FIRRM: variants seen among roughly 807,000 people sequenced by gnomAD.
The protein encoded by FIRRM is FIGNL1-interacting regulator of recombination and mitosis.
At chr1:169,848,012 A>G in the FIRRM span, among the ~76,000 whole-genome samples, 1 of 152,096 alleles carries the variant, frequency 6.6e-6, no homozygotes, top group Non-Finnish European at 1.5e-5. Context: ...ATATATGTTG[A>G]TACACAAATA....
At chr1:169,829,342 T>TTAAA in the FIRRM span, 7 of 1,613,868 alleles carry the variant, frequency 4.3e-6, no homozygotes, top group Non-Finnish European at 5.1e-6. Flanking sequence ...TTTACAGGGA[T>TTAAA]TAAAGAGTAA....
chr1:169,837,286 A>G, the FIRRM span, among the ~76,000 whole-genome samples: 8 of 152,348 alleles, frequency 5.3e-5, no homozygotes, highest in Admixed American at 5.2e-4. Context: ...TGAGAAACTT[A>G]ACTGTTATTT....
At chr1:169,854,059 T>C in the FIRRM span, 1 of 579,188 alleles carries the variant, frequency 1.7e-6, no homozygotes, top group Non-Finnish European at 3.0e-6. Flanking sequence ...AATAAAAAGG[T>C]TACAATAGCT....
chr1:169,842,455 T>C, the FIRRM span: 1 of 1,614,100 alleles, frequency 6.2e-7, no homozygotes, highest in Non-Finnish European at 8.5e-7. Context: ...TATGTAATTC[T>C]GCTGGTGAAG....
the FIRRM span, among the ~76,000 whole-genome samples, chr1:169,794,055 A>G: frequency 6.6e-6 from 1 of 151,960 alleles, no homozygotes; most frequent in Non-Finnish European, 1.5e-5. Context: ...GAGAGATAAG[A>G]GATTTGGACA....
At chr1:169,795,063 T>C in the FIRRM span, 1 of 1,487,798 alleles carries the variant, frequency 6.7e-7, no homozygotes, top group African/African-American at 1.4e-5. Context: ...GGTCTGGGCT[T>C]TGGCGGGTCT....
chr1:169,837,201 T>G, the FIRRM span: 1 of 949,444 alleles, frequency 1.1e-6, no homozygotes, highest in Non-Finnish European at 1.5e-6. Flanking sequence ...GTTAATAAGA[T>G]GCACACACTC....
At chr1:169,836,166 ATATACTTCCTAGTTGGAT>A in the FIRRM span, among the ~76,000 whole-genome samples, 2 of 152,024 alleles carry the variant, frequency 1.3e-5, no homozygotes, top group Non-Finnish European at 2.9e-5. Context: ...AAATACACTA[ATATACTTCCTAGTTGGAT>A]TATACTTATT....
the FIRRM span, among the ~76,000 whole-genome samples, chr1:169,846,462 T>C: frequency 2.0e-5 from 3 of 152,160 alleles, no homozygotes; most frequent in African/African-American, 7.2e-5. Context: ...CTTCTTCCAA[T>C]AGAATGGTGT....
At chr1:169,823,099 A>C in the FIRRM span, among the ~76,000 whole-genome samples, 1 of 151,918 alleles carries the variant, frequency 6.6e-6, no homozygotes, top group African/African-American at 2.4e-5. Context: ...TAACAATACA[A>C]AATTAGCCGG....
At chr1:169,852,789 G>A in the FIRRM span, 1 of 1,611,668 alleles carries the variant, frequency 6.2e-7, no homozygotes, top group Non-Finnish European at 8.5e-7. Context: ...TTTTTTTCCA[G>A]CCTTATGCAA....
At chr1:169,847,143 T>C in the FIRRM span, among the ~76,000 whole-genome samples, 1 of 151,938 alleles carries the variant, frequency 6.6e-6, no homozygotes, top group African/African-American at 2.4e-5. Context: ...TCCAAAACAA[T>C]GACAATAGTA....
the FIRRM span, chr1:169,804,097 G>C: frequency 6.6e-7 from 1 of 1,507,628 alleles, no homozygotes; most frequent in African/African-American, 1.4e-5. Context: ...GTGTATTCTG[G>C]GTGTTTACAC....
At chr1:169,813,503 A>G in the FIRRM span, among the ~76,000 whole-genome samples, 1 of 152,222 alleles carries the variant, frequency 6.6e-6, no homozygotes, top group African/African-American at 2.4e-5. Context: ...AGAAAGAATC[A>G]CAGGAAAGGT....
chr1:169,829,412 T>C, the FIRRM span: 2 of 1,613,412 alleles, frequency 1.2e-6, no homozygotes. Context: ...CTGTGTACAT[T>C]TATTACTTCC....
the FIRRM span, chr1:169,803,141 T>C: frequency 1.2e-6 from 2 of 1,608,806 alleles, no homozygotes; most frequent in Non-Finnish European, 1.7e-6. Flanking sequence ...AAATATATTC[T>C]AAGTGAAATT....
At chr1:169,816,007 T>A in the FIRRM span, among the ~76,000 whole-genome samples, 1 of 152,208 alleles carries the variant, frequency 6.6e-6, no homozygotes, top group Admixed American at 6.5e-5. Context: ...GGGCCATTCA[T>A]AACTCTCAAT....
the FIRRM span, chr1:169,832,606 CTTA>C: frequency 6.7e-6 from 6 of 895,258 alleles, no homozygotes; most frequent in African/African-American, 1.7e-5. Context: ...AAAAATTTAT[CTTA>C]TTATTTTTTT....
chr1:169,841,542 A>G, the FIRRM span, among the ~76,000 whole-genome samples: 3 of 152,192 alleles, frequency 2.0e-5, no homozygotes, highest in South Asian at 4.1e-4. Flanking sequence ...CCACACCTCA[A>G]ACAACCTCAT....
Sources: gnomAD v4.1 joint callset for allele counts (sites outside exome capture counted in the v4.1 genomes callset) on GRCh38, gnomAD v4.1.1 for gene constraint, MANE v1.5 for transcripts, NCBI Gene and HGNC (gene_info 2026-07-23, HGNC 2026-07-21) for gene names.